NOS1: variants seen among roughly 807,000 people sequenced by gnomAD.
NOS1 encodes NOS type I.
NOS1 carries 51 observed loss-of-function variants against 164.5 expected under a neutral mutation model. That is an observed-to-expected ratio of 0.31 (90% CI 0.25 to 0.39). The LOEUF (loss-of-function observed/expected upper bound fraction) is 0.39. Ranked by LOEUF, NOS1 falls within the 10% of genes least tolerant of loss-of-function variation. NOS1 has a pLI of 1.00. For missense variants in NOS1, 1,362 were observed against 1,885.6 expected, an observed-to-expected ratio of 0.72 and a Z score of 5.14; for synonymous variants, 719 against 745.8, an observed-to-expected ratio of 0.96 and a Z score of 0.59.
intron 10 of NOS1, among the ~76,000 whole-genome samples, chr12:117,271,309 G>A (rs1283806366): frequency 2.0e-5 from 3 of 149,590 alleles, no homozygotes; most frequent in Admixed American, 6.7e-5. Flanking sequence ...ATGGAGACTC[G>A]CTCTGTTGCC....
At chr12:117,329,373 GT>G (rs1385981597) in intron 2 of NOS1, among the ~76,000 whole-genome samples, 3 of 152,094 alleles carry the variant, frequency 2.0e-5, no homozygotes, top group African/African-American at 7.2e-5. Context: ...AGATCTCTAA[GT>G]GCTCTGAGGA....
intron 3 of NOS1, among the ~76,000 whole-genome samples, chr12:117,294,750 TC>T (rs1190041825): frequency 6.6e-6 from 1 of 152,176 alleles, no homozygotes; most frequent in African/African-American, 2.4e-5. Context: ...GGCTACATAC[TC>T]CCTTTTCTGG....
Position 117,272,361 on chromosome 12 carries a change from G to C in NOS1, c.1839+24C>G. The stretch of plus-strand genomic sequence containing the variant: ...ACCCTCTGCTATGTGCTTTTCCCCT[G>C]TGGTGACCAGAGAGGGCCCTTACCT... On this transcript the variant is annotated intron_variant, in intron 10 of 28. Transcript: ENST00000317775. This position sits in a 1 kb window ranked among gnomAD's most constrained non-coding sequence, Gnocchi z 4.3. The C allele has an allele frequency of 6.2e-7, 1 of 1,613,786 alleles. No individual in the cohort carries two copies.
intron 3 of NOS1, among the ~76,000 whole-genome samples, chr12:117,306,637 T>C (rs1446299996): frequency 6.6e-6 from 1 of 151,874 alleles, no homozygotes; most frequent in Non-Finnish European, 1.5e-5. Flanking sequence ...TTTTTTTTTT[T>C]CAGATGGAGT....
At chr12:117,215,396 A>G in intron 28 of NOS1, 72 bp from the exon 29 acceptor site, 4 of 1,432,116 alleles carry the variant, frequency 2.8e-6, no homozygotes, top group Non-Finnish European at 3.7e-6. Flanking sequence ...AGTGCCCCAG[A>G]GAAAATCACC....
At position 117,213,807 on chromosome 12, in the gene NOS1, G is replaced by A. The variant is rs531404747; in HGVS notation, c.*1502C>T. 5.1e-6 allele frequency: 5 copies of A among 985,350 alleles called. No homozygotes were observed. The South Asian group carries it at 1.9e-4, about 37-fold the overall frequency. 61.0% of individuals were successfully genotyped at this position (985,350 alleles called of 1,614,324 possible). ...CCACTAGGATTTCTTGTCTCTTTCT[G>A]GGAACTGCCTGACACTAATTTGTAG... On this transcript the variant is annotated 3_prime_UTR_variant, in exon 29 of 29. Coordinates refer to ENST00000317775, the MANE Select transcript of NOS1 (RefSeq NM_000620.5).
At chr12:117,345,828 T>C (rs1319627137) in intron 1 of NOS1, among the ~76,000 whole-genome samples, 2 of 152,140 alleles carry the variant, frequency 1.3e-5, no homozygotes, top group East Asian at 1.9e-4. Flanking sequence ...CACTGGACTC[T>C]AGCCTGGGTG....
chr12:117,360,869 T>TA (rs1363222563), intron 1 of NOS1, among the ~76,000 whole-genome samples: 1 of 151,908 alleles, frequency 6.6e-6, no homozygotes, highest in African/African-American at 2.4e-5. Context: ...GCTCCGCCAT[T>TA]ACCGCCAGCG....
chr12:117,255,850 C>T, intron 16 of NOS1: 2 of 762,210 alleles, frequency 2.6e-6, no homozygotes, highest in Admixed American at 6.8e-5. Flanking sequence ...TCCTTGAGAC[C>T]TAGATGTGTG....
chr12:117,328,014 A>C (rs1377972960), intron 2 of NOS1, among the ~76,000 whole-genome samples: 1 of 152,090 alleles, frequency 6.6e-6, no homozygotes, highest in Non-Finnish European at 1.5e-5. Flanking sequence ...ATCAAAGGGC[A>C]GTTTGGGAGG....
intron 16 of NOS1, 38 bp downstream of exon 16, chr12:117,258,359 G>A (rs1093329): frequency 0.43 from 695,955 of 1,606,132 alleles, 155,735 homozygotes; most frequent in East Asian, 0.65. Context: ...AGTTACCCTC[G>A]GGGGTGGCGG....
rs1299436080 is a variant in NOS1, at chr12:117,361,533, C to T, written c.-442G>A. On this transcript the variant is annotated 5_prime_UTR_variant, in exon 1 of 29. Coordinates refer to ENST00000317775, the MANE Select transcript of NOS1 (RefSeq NM_000620.5). ...TCACCCCGTCCGCTCGGCCGCTGCT[C>T]GCTGCCCGGCCGCCCCTCGGAGGAG... The T allele has an allele frequency of 6.6e-6, 1 of 151,936 alleles. No homozygotes were observed. 9.4% of individuals were successfully genotyped at this position (151,936 alleles called of 1,614,324 possible).
Position 117,214,307 on chromosome 12 carries a change from CTG to C in NOS1, c.*1000_*1001del. On this transcript the variant is annotated 3_prime_UTR_variant, in exon 29 of 29. Transcript: ENST00000317775. Reference sequence around the variant, plus strand: ...CGTATGACATTATGACTAGGAAAAACTGAGGACAAGTGACCCATCCAAAGTCA... The same window carrying C: ...CGTATGACATTATGACTAGGAAAAACAGGACAAGTGACCCATCCAAAGTCA... 3 of 985,420 alleles carry C rather than the reference CTG, an allele frequency of 3.0e-6. No homozygotes were observed. The highest frequency in any genetic ancestry group is 3.6e-6 in the Non-Finnish European group (3 of 829,940). The allele number at this position is 985,420 out of a possible 1,614,324, so 61.0% of individuals were successfully genotyped here. A position where few individuals can be genotyped will look rare whatever the true frequency, so the allele number is the denominator to read the frequency against.
At chr12:117,287,973 G>C in intron 5 of NOS1, 101 bp downstream of exon 5, 5 of 1,320,166 alleles carry the variant, frequency 3.8e-6, no homozygotes, top group Non-Finnish European at 5.4e-6. Context: ...GTATGGCAGA[G>C]GCCTTGTGCC....
At chr12:117,276,981 C>T (rs1052854650) in intron 9 of NOS1, among the ~76,000 whole-genome samples, 38 of 152,202 alleles carry the variant, frequency 2.5e-4, no homozygotes, top group African/African-American at 8.9e-4. Context: ...TACTGATTTC[C>T]CTTCTTTTGG....
In NOS1 at chr12:117,268,182, T is replaced by A. The variant is rs763079075; in HGVS notation, c.1840-38A>T. ...GGAAACACAGATATACAGGCTGGGG[T>A]ATCTCTGGATTTCAGATTGAAGAGG... On this transcript the variant is annotated intron_variant, in intron 10 of 28. Transcript: ENST00000317775. 14 of 1,403,914 alleles carry A rather than the reference T, an allele frequency of 1.0e-5. No individual in the cohort carries two copies. In the Admixed American group the frequency reaches 2.4e-4, roughly 24 times the overall value. The allele number at this position is 1,403,914 out of a possible 1,614,324, so 87.0% of individuals were successfully genotyped here.
At chr12:117,354,610 T>A (rs1473882556) in intron 1 of NOS1, among the ~76,000 whole-genome samples, 1 of 152,210 alleles carries the variant, frequency 6.6e-6, no homozygotes. Context: ...TTTTTTTTTA[T>A]GCTGAAAATT....
intron 1 of NOS1, among the ~76,000 whole-genome samples, chr12:117,352,275 G>A (rs921896746): frequency 6.6e-6 from 1 of 152,160 alleles, no homozygotes; most frequent in African/African-American, 2.4e-5. Context: ...GGAGGCAAGA[G>A]GCGTGGGCCT....
intron 3 of NOS1, among the ~76,000 whole-genome samples, chr12:117,307,982 C>G (rs1407969016): frequency 3.6e-5 from 5 of 137,182 alleles, no homozygotes; most frequent in Admixed American, 3.1e-4. Context: ...ACCAGAGACT[C>G]TGTCTCACAA....
Sources: allele counts gnomAD v4.1 joint callset (sites outside exome capture counted in the v4.1 genomes callset), GRCh38; gene constraint gnomAD v4.1.1; non-coding constraint Gnocchi (gnomAD v3.1); transcripts MANE v1.5; gene names NCBI Gene and HGNC (gene_info 2026-07-23, HGNC 2026-07-21).